Variants in WDR72 observed in about 807,000 individuals in gnomAD.
WDR72 encodes WD repeat domain 72.
In WDR72, 120 loss-of-function variants were observed where a neutral mutation model predicts 124.2. The ratio of observed to expected loss-of-function variants is 0.97; its 90% CI spans 0.83 to 1.12. The LOEUF is 1.12. Ranked by LOEUF, WDR72 falls within the 50% of genes most tolerant of loss-of-function variation. The pLI is 0.00. For missense variants in WDR72, 1,387 were observed against 1,278.8 expected, an observed-to-expected ratio of 1.08 and a Z score of -1.29; for synonymous variants, 452 against 441.7, an observed-to-expected ratio of 1.02 and a Z score of -0.29.
chr15:53,566,829 G>C (rs1894315536), intron 18 of WDR72, among the ~76,000 whole-genome samples: 1 of 151,888 alleles, frequency 6.6e-6, no homozygotes, highest in Non-Finnish European at 1.5e-5. Context: ...TACTGTAAAA[G>C]TAATATTCAT....
intron 2 of WDR72, among the ~76,000 whole-genome samples, chr15:53,729,084 C>G (rs895821088): frequency 1.3e-5 from 2 of 152,092 alleles, no homozygotes; most frequent in African/African-American, 4.8e-5. Flanking sequence ...ATAATACCAT[C>G]ATTCTACCAG....
Position 53,616,120 on chromosome 15 carries a change from T to A in WDR72, c.2086A>T (p.Thr696Ser), listed in dbSNP as rs761308381. Reference protein sequence around the residue: ...LENLVELLLPTPLSDVDSSSS... With the variant: ...LENLVELLLPSPLSDVDSSSS... ...GAAGAGTCAACATCACTGAGTGGAG[T>A]TGGTAGCAAAAGTTCAACAAGGTTT... The change falls in exon 15 of 20, where the codon ACT (threonine) becomes TCT (serine). Residue 696 changes from threonine (T) to serine (S), a missense_variant. Thr to Ser is a moderately conservative substitution (Grantham distance 58). Coordinates refer to ENST00000360509, the MANE Select transcript of WDR72 (RefSeq NM_182758.4). 7 of 1,603,942 alleles carry A rather than the reference T, an allele frequency of 4.4e-6. No homozygotes were observed. The highest frequency in any genetic ancestry group is 1.7e-4 in the Middle Eastern group (1 of 6,002).
At chr15:53,553,548 A>G (rs2140283121) in intron 18 of WDR72, among the ~76,000 whole-genome samples, 1 of 152,156 alleles carries the variant, frequency 6.6e-6, no homozygotes, top group East Asian at 1.9e-4. Flanking sequence ...TTGAGTAGAA[A>G]CCTAAACATT....
intron 17 of WDR72, among the ~76,000 whole-genome samples, chr15:53,603,802 AC>A (rs1300355407): frequency 6.6e-6 from 1 of 152,192 alleles, no homozygotes; most frequent in East Asian, 1.9e-4. Flanking sequence ...TACAAGGAGA[AC>A]AACAAACCAT....
At chr15:53,634,652 A>G (rs1275318590) in intron 14 of WDR72, among the ~76,000 whole-genome samples, 1 of 152,220 alleles carries the variant, frequency 6.6e-6, no homozygotes, top group Non-Finnish European at 1.5e-5. Flanking sequence ...CTAGCAGAAC[A>G]GAAAGTCCTT....
At chr15:53,619,073 G>C (rs976747436) in intron 14 of WDR72, among the ~76,000 whole-genome samples, 1 of 151,414 alleles carries the variant, frequency 6.6e-6, no homozygotes, top group Non-Finnish European at 1.5e-5. Flanking sequence ...CTTCTATTTG[G>C]TTCTTCTAAA....
At chr15:53,628,356 G>A (rs1378300048) in intron 14 of WDR72, among the ~76,000 whole-genome samples, 1 of 151,908 alleles carries the variant, frequency 6.6e-6, no homozygotes, top group Non-Finnish European at 1.5e-5. Context: ...TCCATCAAAA[G>A]GTTTATAACA....
chr15:53,622,931 A>C (rs2014056706), intron 14 of WDR72, among the ~76,000 whole-genome samples: 1 of 152,172 alleles, frequency 6.6e-6, no homozygotes. Context: ...CATAAGAACA[A>C]AATTCACAAG....
intron 14 of WDR72, among the ~76,000 whole-genome samples, chr15:53,618,642 G>A (rs1239236889): frequency 6.6e-6 from 1 of 151,988 alleles, no homozygotes; most frequent in Non-Finnish European, 1.5e-5. Context: ...CAGTTGAGAA[G>A]TCAGCTGCTA....
intron 13 of WDR72, among the ~76,000 whole-genome samples, chr15:53,688,304 C>T (rs1014619939): frequency 3.4e-5 from 5 of 148,564 alleles, no homozygotes; most frequent in African/African-American, 5.1e-5. Flanking sequence ...GATTGTATAT[C>T]TAGAAAACCC....
At chr15:53,554,665 C>T (rs1252756436) in intron 18 of WDR72, among the ~76,000 whole-genome samples, 1 of 152,056 alleles carries the variant, frequency 6.6e-6, no homozygotes, top group African/African-American at 2.4e-5. Context: ...ACTACTGCTA[C>T]ATAGATATAC....
chr15:53,602,798 C>A (rs897730326), intron 17 of WDR72, among the ~76,000 whole-genome samples: 1 of 152,026 alleles, frequency 6.6e-6, no homozygotes, highest in South Asian at 2.1e-4. Flanking sequence ...AAACTGAATC[C>A]CTGAACAGAC....
intron 14 of WDR72, among the ~76,000 whole-genome samples, chr15:53,663,776 C>T (rs2015686120): frequency 6.6e-6 from 1 of 152,062 alleles, no homozygotes; most frequent in South Asian, 2.1e-4. Context: ...GCAGCTGGCT[C>T]AGCTCACTCA....
chr15:53,698,217 T>A (rs540009586), intron 13 of WDR72, among the ~76,000 whole-genome samples: 2 of 152,314 alleles, frequency 1.3e-5, no homozygotes, highest in African/African-American at 4.8e-5. Flanking sequence ...AAAAGTTACA[T>A]AGCCTAAGGG....
At chr15:53,637,300 T>G (rs555082289) in intron 14 of WDR72, among the ~76,000 whole-genome samples, 1 of 152,190 alleles carries the variant, frequency 6.6e-6, no homozygotes, top group Non-Finnish European at 1.5e-5. Context: ...GAAAAATCCT[T>G]ATTTTGCACA....
At chr15:53,692,631 A>G (rs1456073825) in intron 13 of WDR72, among the ~76,000 whole-genome samples, 3 of 152,158 alleles carry the variant, frequency 2.0e-5, no homozygotes, top group Admixed American at 2.0e-4. Flanking sequence ...AATTTTGACA[A>G]TTGTGTAAAT....
intron 14 of WDR72, among the ~76,000 whole-genome samples, chr15:53,648,512 T>G (rs1340285789): frequency 6.6e-6 from 1 of 152,066 alleles, no homozygotes; most frequent in Non-Finnish European, 1.5e-5. Flanking sequence ...TCAGGAAAGG[T>G]ATAGGTCTGA....
intron 1 of WDR72, among the ~76,000 whole-genome samples, chr15:53,743,838 G>A (rs1007127704): frequency 6.6e-6 from 1 of 152,120 alleles, no homozygotes; most frequent in African/African-American, 2.4e-5. Flanking sequence ...AGCCGGGCGT[G>A]GTGGTGGGCG....
intron 13 of WDR72, among the ~76,000 whole-genome samples, chr15:53,677,888 A>G (rs1274282700): frequency 2.0e-5 from 3 of 152,234 alleles, no homozygotes; most frequent in Non-Finnish European, 4.4e-5. Context: ...GTGCCATTTA[A>G]TTCTTAAAAC....
Sources: allele counts gnomAD v4.1 joint callset (sites outside exome capture counted in the v4.1 genomes callset), GRCh38; gene constraint gnomAD v4.1.1; transcripts MANE v1.5; gene names NCBI Gene and HGNC (gene_info 2026-07-23, HGNC 2026-07-21).